The following IKBKB variants were observed in gnomAD, a reference collection of about 807,000 sequenced individuals.
IKBKB encodes the protein inhibitor of nuclear factor kappa B kinase subunit beta.
In IKBKB, 42 loss-of-function variants were observed where a neutral mutation model predicts 113.6. That is an observed-to-expected ratio of 0.37 (90% CI 0.29 to 0.48). The LOEUF (loss-of-function observed/expected upper bound fraction) is 0.48. IKBKB is among the 20% of genes least tolerant of loss of function. IKBKB has a pLI of 0.99. For synonymous variants in IKBKB, 296 were observed against 361.3 expected, an observed-to-expected ratio of 0.82 and a Z score of 2.05; for missense variants, 673 against 939.7, an observed-to-expected ratio of 0.72 and a Z score of 3.71.
At chr8:42,293,564 C>T (rs965620284) in intron 5 of IKBKB, 52 bp downstream of exon 5, 4 of 1,613,738 alleles carry the variant, frequency 2.5e-6, no homozygotes, top group Non-Finnish European at 3.4e-6. Flanking sequence ...GAGTGTGGTG[C>T]CCCTGTGAGT....
chr8:42,272,015 C>G, intron 1 of IKBKB, 68 bp from the exon 2 acceptor site: 1 of 1,491,026 alleles, frequency 6.7e-7, no homozygotes. Context: ...CTCTTGCCTT[C>G]TCCATCCCTT....
rs1563336675 is a variant in IKBKB, at chr8:42,306,391, G to A, written c.526G>A (p.Gly176Ser). The change falls in exon 7 of 22, where the codon GGC (glycine) becomes AGC (serine). Residue 176 changes from glycine (G) to serine (S), a missense_variant. Gly to Ser is a moderately conservative substitution (Grantham distance 56, BLOSUM62 0). Coordinates refer to ENST00000520810, the MANE Select transcript of IKBKB (RefSeq NM_001556.3). ...DLGYAKELDQGSLCTSFVGTL... is the reference protein window; with the variant it reads ...DLGYAKELDQSSLCTSFVGTL... ...AGGATATGCCAAGGAGCTGGATCAG[G>A]GCAGTCTTTGCACATCATTCGTGGG... is the stretch of plus-strand genomic sequence containing the variant. 1 of 1,613,718 alleles carries A rather than the reference G, an allele frequency of 6.2e-7. No homozygotes were observed. The highest frequency in any genetic ancestry group is 8.5e-7 in the Non-Finnish European group (1 of 1,179,630).
rs1403169391 is a variant in IKBKB at position 42,331,495 on chromosome 8, G to A, written c.*516G>A. On this transcript the variant is annotated 3_prime_UTR_variant, in exon 22 of 22. Transcript: ENST00000520810. ...TGTCCTCTCTCACTTTACAGCTTGT[G>A]TTTCTTCTGGATTCAGCTTCTCCTA... 3.0e-6 allele frequency: 2 copies of A among 676,846 alleles called. No individual in the cohort carries two copies. The highest frequency in any genetic ancestry group is 3.5e-5 in the African/African-American group (2 of 56,504). 41.9% of individuals were successfully genotyped at this position (676,846 alleles called of 1,614,324 possible).
Position 42,331,919 on chromosome 8 carries a change from T to C in IKBKB, c.*940T>C, listed in dbSNP as rs901705669. The C allele has an allele frequency of 6.0e-6, 1 of 167,220 alleles. No homozygotes were observed. Among genetic ancestry groups the C allele is most frequent in the African/African-American group, 2.4e-5 (1 of 41,640 alleles). The allele number at this position is 167,220 out of a possible 1,614,324, so 10.4% of individuals were successfully genotyped here. On this transcript the variant is annotated 3_prime_UTR_variant, in exon 22 of 22. Transcript: ENST00000520810. ...GGATTCATTTTAAAAATAGCTCCTA[T>C]ATTTTGTAACATGTCTCAAACACTC...
intron 4 of IKBKB, among the ~76,000 whole-genome samples, chr8:42,291,751 C>T (rs1365601800): frequency 2.0e-5 from 3 of 152,094 alleles, no homozygotes. Context: ...CATACCAAGG[C>T]CCTGTCTCCT....
chr8:42,275,629 A>G (rs1005840066), intron 2 of IKBKB, among the ~76,000 whole-genome samples: 2 of 152,064 alleles, frequency 1.3e-5, no homozygotes, highest in Non-Finnish European at 2.9e-5. Context: ...ATTCTTTTTT[A>G]TGGCTGAATA....
At chr8:42,320,885 C>G in intron 16 of IKBKB, 41 bp downstream of exon 16, 1 of 1,326,400 alleles carries the variant, frequency 7.5e-7, no homozygotes, top group African/African-American at 1.5e-5. Flanking sequence ...CCAGCACACA[C>G]AGACAGCCCT....
At chr8:42,299,057 A>G (rs931081883) in intron 5 of IKBKB, among the ~76,000 whole-genome samples, 4 of 152,238 alleles carry the variant, frequency 2.6e-5, no homozygotes, top group Admixed American at 1.3e-4. Context: ...AACTCATCCT[A>G]AAGTCATATC....
intron 15 of IKBKB, 23 bp downstream of exon 15, chr8:42,319,669 C>T (rs200653361): frequency 6.9e-5 from 108 of 1,562,798 alleles, no homozygotes; most frequent in Admixed American, 8.4e-5. Context: ...TTTTGGGTTT[C>T]GGAACTTACC....
At position 42,331,663 on chromosome 8, in the gene IKBKB, A is replaced by G; in HGVS notation, c.*684A>G. ...AGTTGGAGCGAGTGCCAAGCTCTCCATCTGTGGTCCTTTCTGCCAAGAGCG... is the reference window on the plus strand; with the variant it reads ...AGTTGGAGCGAGTGCCAAGCTCTCCGTCTGTGGTCCTTTCTGCCAAGAGCG... On this transcript the variant is annotated 3_prime_UTR_variant, in exon 22 of 22. Transcript: ENST00000520810. 1 of 518,880 alleles carries G rather than the reference A, an allele frequency of 1.9e-6. No homozygotes were observed. The highest frequency in any genetic ancestry group is 3.5e-6 in the Non-Finnish European group (1 of 287,632). 32.1% of individuals were successfully genotyped at this position (518,880 alleles called of 1,614,324 possible).
intron 4 of IKBKB, among the ~76,000 whole-genome samples, chr8:42,291,281 A>G (rs1432711880): frequency 6.6e-6 from 1 of 152,056 alleles, no homozygotes; most frequent in Non-Finnish European, 1.5e-5. Flanking sequence ...TCCTGGGTCC[A>G]CGTGATTCTC....
chr8:42,323,182 T>C (rs1436188805), intron 19 of IKBKB, among the ~76,000 whole-genome samples: 1 of 152,242 alleles, frequency 6.6e-6, no homozygotes, highest in Non-Finnish European at 1.5e-5. Flanking sequence ...TGATGTCATC[T>C]CAGGTTCTCT....
chr8:42,325,885 G>T (rs769748740), intron 19 of IKBKB, 85 bp from the exon 20 acceptor site: 1 of 1,574,498 alleles, frequency 6.4e-7, no homozygotes, highest in Non-Finnish European at 8.6e-7. Flanking sequence ...CAGCCAGCCA[G>T]TTGTCTCCTA....
At chr8:42,288,563 C>T in intron 2 of IKBKB, 71 bp from the exon 3 acceptor site, 3 of 1,224,616 alleles carry the variant, frequency 2.4e-6, no homozygotes, top group African/African-American at 3.0e-5. Flanking sequence ...GGAGACCCCT[C>T]CCATGCAGCA....
At chr8:42,308,275 T>C (rs1816935168) in intron 7 of IKBKB, among the ~76,000 whole-genome samples, 1 of 51,122 alleles carries the variant, frequency 2.0e-5, no homozygotes, top group Non-Finnish European at 1.1e-4. Flanking sequence ...ACCCTTTTTT[T>C]TTTTTTCCTT....
chr8:42,283,383 T>C (rs959299915), intron 2 of IKBKB, among the ~76,000 whole-genome samples: 1 of 152,114 alleles, frequency 6.6e-6, no homozygotes. Context: ...GAAATTAAGG[T>C]TGCAGATGAA....
chr8:42,297,042 G>C (rs528981608), intron 5 of IKBKB, among the ~76,000 whole-genome samples: 1 of 152,190 alleles, frequency 6.6e-6, no homozygotes, highest in African/African-American at 2.4e-5. Context: ...CCTGAGGCTG[G>C]ATCCAGGGAA....
In IKBKB at chr8:42,308,996, C is replaced by G; in HGVS notation, c.663C>G (p.Pro221=). 1.9e-6 allele frequency: 3 copies of G among 1,614,172 alleles called. No individual in the cohort carries two copies. Among genetic ancestry groups the G allele is most frequent in the Non-Finnish European group, 2.5e-6 (3 of 1,180,012 alleles). Residue 221 remains proline, a synonymous_variant, in exon 8 of 22, where the codon CCC becomes CCG. Coordinates refer to ENST00000520810, the MANE Select transcript of IKBKB (RefSeq NM_001556.3). ...TTGAGTGCATCACGGGCTTCCGGCC[C>G]TTCCTCCCCAACTGGCAGCCCGTGC... ...LAFECITGFR[P]FLPNWQPVQW...
intron 4 of IKBKB, 51 bp downstream of exon 4, chr8:42,290,324 AC>A: frequency 7.6e-7 from 1 of 1,309,248 alleles, no homozygotes; most frequent in Non-Finnish European, 1.1e-6. Context: ...CAGGTGGGAC[AC>A]CAGGAAGAGG....
Sources: allele counts gnomAD v4.1 joint callset (sites outside exome capture counted in the v4.1 genomes callset), GRCh38; gene constraint gnomAD v4.1.1; transcripts MANE v1.5; gene names NCBI Gene and HGNC (gene_info 2026-07-23, HGNC 2026-07-21).